Variants in ZNF536 observed in about 807,000 individuals in gnomAD.
The protein encoded by ZNF536 is zinc finger protein 536.
In ZNF536, 13 loss-of-function variants were observed where a neutral mutation model predicts 84.5. The ratio of observed to expected loss-of-function variants is 0.15; its 90% confidence interval spans 0.10 to 0.24. The LOEUF is 0.24. Among genes scored for constraint, ZNF536 ranks in the 10% least tolerant of loss-of-function variants. ZNF536 has a pLI of 1.00. For synonymous variants in ZNF536, 811 were observed against 742.5 expected, an observed-to-expected ratio of 1.09 and a Z score of -1.50; for missense variants, 1,536 against 1,747.5, an observed-to-expected ratio of 0.88 and a Z score of 2.16.
intron 1 of ZNF536, among the ~76,000 whole-genome samples, chr19:30,635,758 C>T (rs2049042413): frequency 6.6e-6 from 1 of 152,256 alleles, no homozygotes. Flanking sequence ...GACTGCCTCC[C>T]ATTACCATTT....
At chr19:30,508,228 G>T (rs559945572) in intron 2 of ZNF536, among the ~76,000 whole-genome samples, 1 of 152,162 alleles carries the variant, frequency 6.6e-6, no homozygotes, top group Admixed American at 6.5e-5. Context: ...GCTTGCAGGG[G>T]CTTATGGGAA....
chr19:30,555,023 G>T (rs144345692), intron 4 of ZNF536: 112 of 152,380 alleles, frequency 7.4e-4, no homozygotes, highest in African/African-American at 2.3e-3. Context: ...CAGATGGGCC[G>T]ATGCCTTGTT....
intron 1 of ZNF536, among the ~76,000 whole-genome samples, chr19:30,420,718 C>T (rs1374921501): frequency 6.6e-6 from 1 of 151,934 alleles, no homozygotes; most frequent in Non-Finnish European, 1.5e-5. Context: ...GAAGTTAAAT[C>T]CCATCTATTT....
At chr19:30,630,896 G>A (rs2147236359) in intron 1 of ZNF536, among the ~76,000 whole-genome samples, 1 of 152,332 alleles carries the variant, frequency 6.6e-6, no homozygotes, top group Non-Finnish European at 1.5e-5. Context: ...GATAACAGAT[G>A]CAGACCAGCC....
chr19:30,284,871 A>T (rs199504849), intron 2 of ZNF536, among the ~76,000 whole-genome samples: 1 of 151,432 alleles, frequency 6.6e-6, no homozygotes. Context: ...CTGAATATAT[A>T]TTTTTTTTTA....
chr19:30,399,884 C>T (rs1470838729), intron 1 of ZNF536, among the ~76,000 whole-genome samples: 1 of 152,054 alleles, frequency 6.6e-6, no homozygotes, highest in Non-Finnish European at 1.5e-5. Context: ...GACGGGATTT[C>T]ACCATGTTGG....
chr19:30,434,404 C>T (rs955995868), intron 1 of ZNF536, among the ~76,000 whole-genome samples: 10 of 152,174 alleles, frequency 6.6e-5, no homozygotes, highest in Non-Finnish European at 1.0e-4. Flanking sequence ...TCAGAGCTTG[C>T]CCATGGCTGT....
chr19:30,489,219 GC>G (rs2054411715), intron 2 of ZNF536, among the ~76,000 whole-genome samples: 1 of 152,190 alleles, frequency 6.6e-6, no homozygotes, highest in South Asian at 2.1e-4. Context: ...ACAGAAACCA[GC>G]CATTTGTGAC....
At chr19:30,375,493 C>T (rs2048780714) in intron 1 of ZNF536, among the ~76,000 whole-genome samples, 1 of 152,180 alleles carries the variant, frequency 6.6e-6, no homozygotes, top group Admixed American at 6.5e-5. Flanking sequence ...ACAGCCACAC[C>T]GCGCACCCTA....
At chr19:30,599,001 CTCCTTCCCT>C (rs2047572068) in intron 1 of ZNF536, among the ~76,000 whole-genome samples, 1 of 96,822 alleles carries the variant, frequency 1.0e-5, no homozygotes, top group African/African-American at 4.1e-5. Flanking sequence ...TCCTCCCTTC[CTCCTTCCCT>C]CTTCCTTCCT....
At chr19:30,698,234 G>C (rs1334575342) in intron 1 of ZNF536, among the ~76,000 whole-genome samples, 1 of 151,872 alleles carries the variant, frequency 6.6e-6, no homozygotes, top group Non-Finnish European at 1.5e-5. Context: ...GGACGCTGCA[G>C]TGAACTGAGA....
intron 1 of ZNF536, among the ~76,000 whole-genome samples, chr19:30,621,561 G>A (rs1030601687): frequency 6.6e-6 from 1 of 152,222 alleles, no homozygotes; most frequent in African/African-American, 2.4e-5. Context: ...TATGCAGGGT[G>A]GCCTCCAAGC....
chr19:30,514,658 G>A (rs1568503930), intron 2 of ZNF536, among the ~76,000 whole-genome samples: 1 of 151,800 alleles, frequency 6.6e-6, no homozygotes, highest in African/African-American at 2.4e-5. Context: ...ATTCCAGAGG[G>A]CACCACCCCT....
chr19:30,315,415 G>C (rs2046646124), intron 2 of ZNF536, among the ~76,000 whole-genome samples: 1 of 152,156 alleles, frequency 6.6e-6, no homozygotes, highest in African/African-American at 2.4e-5. Context: ...TATATGCAGA[G>C]GTAAGAAAAG....
chr19:30,564,141 G>T (rs935796853), intron 1 of ZNF536, among the ~76,000 whole-genome samples: 1 of 151,778 alleles, frequency 6.6e-6, no homozygotes, highest in Admixed American at 6.6e-5. Context: ...AGAAGGAGGA[G>T]GATTAAAGAG....
intron 1 of ZNF536, among the ~76,000 whole-genome samples, chr19:30,229,259 G>A (rs2022831337): frequency 6.6e-6 from 1 of 151,916 alleles, no homozygotes; most frequent in Admixed American, 6.6e-5. Flanking sequence ...GAAGGAGAGT[G>A]CAGACCTTCT....
chr19:30,696,525 C>T (rs546917578), intron 1 of ZNF536, among the ~76,000 whole-genome samples: 4 of 152,316 alleles, frequency 2.6e-5, no homozygotes, highest in Admixed American at 1.3e-4. Context: ...TTAAGGTCCC[C>T]GATCAATAGT....
At chr19:30,402,168 C>A (rs904890950) in intron 1 of ZNF536, among the ~76,000 whole-genome samples, 5 of 151,914 alleles carry the variant, frequency 3.3e-5, no homozygotes, top group Non-Finnish European at 7.4e-5. Context: ...TAAACACTTG[C>A]GAGTGTAAAG....
intron 1 of ZNF536, among the ~76,000 whole-genome samples, chr19:30,586,259 A>T (rs1413942787): frequency 6.6e-6 from 1 of 152,224 alleles, no homozygotes; most frequent in Non-Finnish European, 1.5e-5. Context: ...AGAAATTTTG[A>T]TGGACAACTA....
Sources: gnomAD v4.1 joint callset for allele counts (sites outside exome capture counted in the v4.1 genomes callset) on GRCh38, gnomAD v4.1.1 for gene constraint, MANE v1.5 for transcripts, NCBI Gene and HGNC (gene_info 2026-07-23, HGNC 2026-07-21) for gene names.